ATRNL1: variants seen among roughly 807,000 people sequenced by gnomAD.
ATRNL1 encodes the protein attractin-like protein 1.
In ATRNL1, 95 loss-of-function variants were observed where a neutral mutation model predicts 182.7. The observed-to-expected ratio is 0.52, with a 90% CI of 0.44 to 0.62. ATRNL1 has a LOEUF of 0.62. Ranked by LOEUF, ATRNL1 falls within the 20% of genes least tolerant of loss-of-function variation. The pLI, the probability that ATRNL1 is intolerant of heterozygous loss-of-function variation, is 0.00. For missense variants in ATRNL1, 1,471 were observed against 1,679.5 expected (o/e 0.88, Z 2.17); for synonymous variants, 576 against 568.3 (o/e 1.01, Z -0.19).
chr10:115,799,282 C>G (rs781861734), intron 27 of ATRNL1, among the ~76,000 whole-genome samples: 27 of 152,146 alleles, frequency 1.8e-4, no homozygotes, highest in Non-Finnish European at 3.2e-4. Flanking sequence ...TCTACAATAA[C>G]ACACCTGGCA....
intron 8 of ATRNL1, among the ~76,000 whole-genome samples, chr10:115,179,086 G>A (rs1847647461): frequency 6.6e-6 from 1 of 152,060 alleles, no homozygotes; most frequent in African/African-American, 2.4e-5. Flanking sequence ...CCTTAAAAGT[G>A]TGAATCTGTT....
chr10:115,655,349 A>G, intron 26 of ATRNL1, among the ~76,000 whole-genome samples: 1 of 152,204 alleles, frequency 6.6e-6, no homozygotes, highest in Non-Finnish European at 1.5e-5. Context: ...TGTGAATTAT[A>G]TCTTGAGCGT....
chr10:115,497,951 T>A (rs1769990854), intron 24 of ATRNL1, among the ~76,000 whole-genome samples: 2 of 152,122 alleles, frequency 1.3e-5, no homozygotes, highest in Admixed American at 6.6e-5. Context: ...GCATTACACC[T>A]GGCCTACTGC....
At chr10:115,422,166 T>C (rs535412113) in intron 20 of ATRNL1, among the ~76,000 whole-genome samples, 1 of 152,236 alleles carries the variant, frequency 6.6e-6, no homozygotes, top group African/African-American at 2.4e-5. Context: ...CAAGAGTAAT[T>C]GCAACAACAA....
intron 20 of ATRNL1, among the ~76,000 whole-genome samples, chr10:115,400,925 C>T (rs575054409): frequency 3.3e-5 from 5 of 151,924 alleles, no homozygotes; most frequent in Admixed American, 6.6e-5. Flanking sequence ...TAATTGGGGG[C>T]ATTTAACCCA....
At chr10:115,194,312 A>G (rs1164847325) in intron 8 of ATRNL1, among the ~76,000 whole-genome samples, 2 of 151,846 alleles carry the variant, frequency 1.3e-5, no homozygotes, top group African/African-American at 2.4e-5. Context: ...CCAAGATATT[A>G]TTGTTTTGGG....
intron 5 of ATRNL1, among the ~76,000 whole-genome samples, chr10:115,142,288 T>C (rs2143824662): frequency 6.6e-6 from 1 of 152,292 alleles, no homozygotes; most frequent in South Asian, 2.1e-4. Context: ...ACCATATAGA[T>C]ATCTAGGGGA....
chr10:115,191,025 C>A, intron 8 of ATRNL1, among the ~76,000 whole-genome samples: 1 of 151,946 alleles, frequency 6.6e-6, no homozygotes, highest in Non-Finnish European at 1.5e-5. Flanking sequence ...CAGTTTCATC[C>A]GTGTTGTTGC....
chr10:115,933,210 A>G (rs529811835), intron 28 of ATRNL1, among the ~76,000 whole-genome samples: 2 of 152,368 alleles, frequency 1.3e-5, no homozygotes, highest in East Asian at 3.9e-4. Flanking sequence ...ATCAAGTCCC[A>G]GCCAGGTGTT....
chr10:115,509,786 G>A (rs979078276), intron 24 of ATRNL1, among the ~76,000 whole-genome samples: 32 of 151,882 alleles, frequency 2.1e-4, no homozygotes, highest in Admixed American at 3.9e-4. Flanking sequence ...TTGATTTTTT[G>A]TACTATTTTT....
chr10:115,155,963 A>G (rs1334660790), intron 5 of ATRNL1, among the ~76,000 whole-genome samples: 1 of 152,092 alleles, frequency 6.6e-6, no homozygotes, highest in Non-Finnish European at 1.5e-5. Flanking sequence ...AAAAATTCTT[A>G]TAATTAGTAA....
intron 26 of ATRNL1, among the ~76,000 whole-genome samples, chr10:115,585,128 T>C (rs11197311): frequency 0.34 from 35,112 of 103,200 alleles, 7,004 homozygotes; most frequent in East Asian, 0.68. Flanking sequence ...TTGTTATAAT[T>C]TCTGTTCTTT....
intron 26 of ATRNL1, among the ~76,000 whole-genome samples, chr10:115,669,383 G>T (rs3981279): frequency 0.061 from 9,244 of 152,120 alleles, 898 homozygotes; most frequent in African/African-American, 0.21. Context: ...TACTAGATTT[G>T]TAATATTGAG....
chr10:115,940,768 CT>C (rs1283377696), intron 28 of ATRNL1, among the ~76,000 whole-genome samples: 1 of 151,910 alleles, frequency 6.6e-6, no homozygotes, highest in Non-Finnish European at 1.5e-5. Context: ...GGCTTTGTCT[CT>C]TTTTTTCATT....
intron 26 of ATRNL1, among the ~76,000 whole-genome samples, chr10:115,554,036 T>C (rs149835285): frequency 6.6e-6 from 1 of 151,696 alleles, no homozygotes; most frequent in Non-Finnish European, 1.5e-5. Flanking sequence ...AATTAACTGA[T>C]AAGGTACTGC....
At chr10:115,300,356 A>G in intron 16 of ATRNL1, 109 bp downstream of exon 16, 2 of 802,698 alleles carry the variant, frequency 2.5e-6, no homozygotes, top group Non-Finnish European at 3.8e-6. Flanking sequence ...TGTAAATTTT[A>G]TTTTTATACA....
At chr10:115,734,890 A>AT (rs1565331467) in intron 27 of ATRNL1, among the ~76,000 whole-genome samples, 1 of 152,220 alleles carries the variant, frequency 6.6e-6, no homozygotes, top group East Asian at 1.9e-4. Context: ...TACTCTTAAC[A>AT]TTTTAACAGG....
intron 24 of ATRNL1, among the ~76,000 whole-genome samples, chr10:115,480,479 C>A (rs1241518286): frequency 6.6e-6 from 1 of 150,798 alleles, no homozygotes; most frequent in Non-Finnish European, 1.5e-5. Context: ...AGTTTCAATT[C>A]TTTTTGTCAT....
chr10:115,860,717 CA>C (rs1951296628), intron 28 of ATRNL1, among the ~76,000 whole-genome samples: 1 of 152,166 alleles, frequency 6.6e-6, no homozygotes, highest in Non-Finnish European at 1.5e-5. Context: ...AAGACATTCC[CA>C]AAAGTCATGC....
Sources: allele counts gnomAD v4.1 joint callset (sites outside exome capture counted in the v4.1 genomes callset), GRCh38; gene constraint gnomAD v4.1.1; transcripts MANE v1.5; gene names NCBI Gene and HGNC (gene_info 2026-07-23, HGNC 2026-07-21).